LPCAT3: variants seen among roughly 807,000 people sequenced by gnomAD.
The protein encoded by LPCAT3 is lysophosphatidylcholine acyltransferase 3, also known as lysophospholipid acyltransferase 5.
In LPCAT3, 21 loss-of-function variants were observed where a neutral mutation model predicts 63.4. That is an observed-to-expected ratio of 0.33 (90% CI 0.23 to 0.48). The LOEUF is 0.48. LPCAT3 is among the 20% of genes least tolerant of loss of function. The pLI is 0.99. For missense variants in LPCAT3, 451 were observed against 590.6 expected, an observed-to-expected ratio of 0.76 and a Z score of 2.45; for synonymous variants, 242 against 227.5, an observed-to-expected ratio of 1.06 and a Z score of -0.58.
chr12:6,997,725 T>TAC (rs1292576256), intron 1 of LPCAT3, among the ~76,000 whole-genome samples: 1 of 152,032 alleles, frequency 6.6e-6, no homozygotes, highest in Non-Finnish European at 1.5e-5. Flanking sequence ...TAGCTGGGAT[T>TAC]ACAGGCAGGC....
chr12:6,981,251 TC>T (rs1591546782), intron 5 of LPCAT3, 69 bp from the exon 6 acceptor site: 1 of 1,297,866 alleles, frequency 7.7e-7, no homozygotes, highest in Non-Finnish European at 1.1e-6. Flanking sequence ...CTTTGAGTGT[TC>T]CCCACCTGTG....
At position 7,018,416 on chromosome 12, in the gene LPCAT3, G is replaced by A. The variant is rs1946810696; in HGVS notation, c.9C>T (p.Ser3=). 6.2e-7 allele frequency: 1 copy of A among 1,605,732 alleles called. No individual in the cohort carries two copies. Among genetic ancestry groups the A allele is most frequent in the African/African-American group, 1.3e-5 (1 of 74,764 alleles). The change falls in exon 1 of 13, where the codon TCC becomes TCT. Residue 3 remains serine (S), a synonymous_variant. Coordinates refer to ENST00000261407, the MANE Select transcript of LPCAT3 (RefSeq NM_005768.6). This position sits in a 1 kb window ranked among gnomAD's most constrained non-coding sequence, Gnocchi z 4.9. MA[S]SAEGDEGTVV... ...CAGTCCCCTCGTCCCCCTCCGCTGA[G>A]GACGCCATCTTAACTCCGGGAGCCC...
Position 6,976,861 on chromosome 12 carries a change from G to A in LPCAT3, c.*43C>T, listed in dbSNP as rs782242872. On this transcript the variant is annotated 3_prime_UTR_variant, in exon 13 of 13. Coordinates refer to ENST00000261407, the MANE Select transcript of LPCAT3 (RefSeq NM_005768.6). ...AGGAGTGCTGTGAAAAGGGAGACGAGTAGTTTCTGCACCAGTCCCGCACAG... is the reference window on the plus strand; with the variant it reads ...AGGAGTGCTGTGAAAAGGGAGACGAATAGTTTCTGCACCAGTCCCGCACAG... 9.6e-5 allele frequency: 30 copies of A among 312,824 alleles called. No homozygotes were observed. In the South Asian group the frequency reaches 1.6e-3, roughly 16 times the overall value. The allele number at this position is 312,824 out of a possible 1,614,324, so 19.4% of individuals were successfully genotyped here.
intron 1 of LPCAT3, among the ~76,000 whole-genome samples, chr12:7,007,411 T>C (rs116817531): frequency 1.2e-3 from 177 of 152,090 alleles, no homozygotes; most frequent in African/African-American, 4.1e-3. Flanking sequence ...CGGAAGCAGA[T>C]ATGACCGTGT....
intron 1 of LPCAT3, among the ~76,000 whole-genome samples, chr12:6,990,278 G>C (rs1946575400): frequency 6.6e-6 from 1 of 151,646 alleles, no homozygotes; most frequent in African/African-American, 2.4e-5. Context: ...GGGAGGCTGA[G>C]GCGGGCGGAT....
chr12:7,000,116 C>T (rs1168062106), intron 1 of LPCAT3, among the ~76,000 whole-genome samples: 1 of 151,522 alleles, frequency 6.6e-6, no homozygotes, highest in African/African-American at 2.4e-5. Context: ...GATGGGGTTT[C>T]ACCATGTTGG....
rs16933015 is a variant in LPCAT3 at position 6,979,967 on chromosome 12, G to T, written c.678-388C>A. On this transcript the variant is annotated intron_variant, in intron 6 of 12. Transcript: ENST00000261407. ...TCCTTCATTTCTTGGTTGAATTGAT[G>T]CTGAAACACAGGATGGACAAGTTCT... 7.4e-3 allele frequency: 1,291 copies of T among 173,738 alleles called. 14 individuals carry two copies. Among genetic ancestry groups the T allele is most frequent in the African/African-American group, 0.029 (1,217 of 41,744 alleles). 10.8% of individuals were successfully genotyped at this position (173,738 alleles called of 1,614,324 possible). A position where few individuals can be genotyped will look rare whatever the true frequency, so the allele number is the denominator to read the frequency against.
chr12:7,007,219 A>AT (rs879948861), intron 1 of LPCAT3, among the ~76,000 whole-genome samples: 322 of 141,188 alleles, frequency 2.3e-3, no homozygotes, highest in Middle Eastern at 7.2e-3. Flanking sequence ...AATTTTTTGG[A>AT]TTTTTTTTTT....
intron 9 of LPCAT3, chr12:6,978,107 T>C: frequency 1.7e-6 from 1 of 578,628 alleles, no homozygotes; most frequent in South Asian, 2.2e-5. Flanking sequence ...TTGGCAGAGC[T>C]GGAGTAACAC....
At chr12:6,981,265 C>T (rs2138332415) in intron 5 of LPCAT3, 83 bp from the exon 6 acceptor site, 1 of 1,138,018 alleles carries the variant, frequency 8.8e-7, no homozygotes, top group East Asian at 2.4e-5. Flanking sequence ...CACCTGTGTG[C>T]CCCACTGACT....
intron 1 of LPCAT3, among the ~76,000 whole-genome samples, chr12:6,985,597 C>A (rs1946516039): frequency 6.6e-6 from 1 of 151,000 alleles, no homozygotes; most frequent in Non-Finnish European, 1.5e-5. Context: ...TGCCTGTAAT[C>A]CCAGCTACTC....
At chr12:6,982,622 G>T in intron 3 of LPCAT3, 54 bp downstream of exon 3, 1 of 1,353,448 alleles carries the variant, frequency 7.4e-7, no homozygotes, top group Non-Finnish European at 1.1e-6. Flanking sequence ...GCCTACCCCT[G>T]TCCCCTGAAC....
intron 1 of LPCAT3, among the ~76,000 whole-genome samples, chr12:6,988,969 A>T (rs1016090254): frequency 4.6e-5 from 7 of 152,054 alleles, no homozygotes; most frequent in Non-Finnish European, 1.0e-4. Flanking sequence ...ACTAAAAAAA[A>T]TACAAAATTA....
chr12:6,981,913 G>A lies in LPCAT3; in HGVS notation c.367-9C>T. 25 of 1,448,970 alleles carry A rather than the reference G, an allele frequency of 1.7e-5. No individual in the cohort carries two copies. The highest frequency in any genetic ancestry group is 2.4e-5 in the Non-Finnish European group (25 of 1,029,832). 89.8% of individuals were successfully genotyped at this position (1,448,970 alleles called of 1,614,324 possible). Reference sequence around the variant, plus strand: ...CCAGCCAGAAGGTAGGCCTAGGAGAGGCAGAAGTATTTATTCTAGCATCAC... The same window carrying A: ...CCAGCCAGAAGGTAGGCCTAGGAGAAGCAGAAGTATTTATTCTAGCATCAC... On this transcript the variant is annotated splice_polypyrimidine_tract_variant and intron_variant, in intron 3 of 12. Transcript: ENST00000261407.
Position 6,983,267 on chromosome 12 carries a change from A to C in LPCAT3, c.259+165T>G. 2 of 592,062 alleles carry C rather than the reference A, an allele frequency of 3.4e-6. 1 individual carries two copies. The highest frequency in any genetic ancestry group is 4.0e-5 in the South Asian group (2 of 49,660). The allele number at this position is 592,062 out of a possible 1,614,324, so 36.7% of individuals were successfully genotyped here. Reference sequence around the variant, plus strand: ...TCTGACAGAAGAATGTACATAAAAGAAAAAAAGGAAAAGTTAAGCTGTGTT... The same window carrying C: ...TCTGACAGAAGAATGTACATAAAAGCAAAAAAGGAAAAGTTAAGCTGTGTT... On this transcript the variant is annotated intron_variant, in intron 2 of 12. Coordinates refer to ENST00000261407, the MANE Select transcript of LPCAT3 (RefSeq NM_005768.6).
intron 3 of LPCAT3, among the ~76,000 whole-genome samples, chr12:6,982,438 C>CTTT (rs1946479595): frequency 1.3e-5 from 2 of 152,180 alleles, no homozygotes; most frequent in Admixed American, 6.6e-5. Context: ...CCTAATGGCA[C>CTTT]AGTATGCAAA....
chr12:7,006,816 T>C (rs189218406), intron 1 of LPCAT3, among the ~76,000 whole-genome samples: 373 of 152,324 alleles, frequency 2.4e-3, no homozygotes, highest in African/African-American at 8.6e-3. Context: ...GTAGTTGATA[T>C]TTAGGGACAG....
In LPCAT3 at chr12:6,981,039, T is replaced by G. The variant is rs1391679854; in HGVS notation, c.642A>C (p.Gly214=). 4 of 1,608,446 alleles carry G rather than the reference T, an allele frequency of 2.5e-6. No homozygotes were observed. The highest frequency in any genetic ancestry group is 3.4e-6 in the Non-Finnish European group (4 of 1,178,052). Reference sequence around the variant, plus strand: ...TCTTTCCTGGTATGTCAATCAGCTCTCCCTGCACCAGCTTCATGTAGTGAT... The same window carrying G: ...TCTTTCCTGGTATGTCAATCAGCTCGCCCTGCACCAGCTTCATGTAGTGAT... ...SMNHYMKLVQ[G]ELIDIPGKIP... Residue 214 remains glycine (G), a synonymous_variant, in exon 6 of 13, where the codon GGA becomes GGC. Transcript: ENST00000261407.
rs781997352 is a variant in LPCAT3, at chr12:7,018,326, C to T, written c.99G>A (p.Thr33=). ...GCGCCTGTTCTGACGCGCCCAGGGA[C>T]GTCGCCAACTTGTTAAGGCTCAGCT... ...FQELSLNKLA[T]SLGASEQALR... Residue 33 remains threonine (T), a synonymous_variant, in exon 1 of 13, where the codon ACG becomes ACA. Transcript: ENST00000261407. The surrounding 1 kb of genome is among the most constrained non-coding windows in gnomAD (Gnocchi z 4.9). The T allele has an allele frequency of 1.6e-5, 26 of 1,610,544 alleles. No individual in the cohort carries two copies. In the Admixed American group the frequency reaches 2.9e-4, roughly 18 times the overall value.
Sources: gnomAD v4.1 joint callset for allele counts (sites outside exome capture counted in the v4.1 genomes callset) on GRCh38, gnomAD v4.1.1 for gene constraint, Gnocchi (gnomAD v3.1) non-coding constraint, MANE v1.5 for transcripts, NCBI Gene and HGNC (gene_info 2026-07-23, HGNC 2026-07-21) for gene names.